Variants in CSMD1 observed in about 807,000 individuals in gnomAD.
CSMD1 encodes the protein CUB and Sushi multiple domains 1, also known as CUB and sushi domain-containing protein 1.
CSMD1 carries 213 observed loss-of-function variants against 417.5 expected under a neutral mutation model. The ratio of observed to expected loss-of-function variants is 0.51; its 90% confidence interval spans 0.46 to 0.57. The LOEUF is 0.57. Ranked by LOEUF, CSMD1 falls within the 20% of genes least tolerant of loss-of-function variation. CSMD1 has a pLI of 0.00. For synonymous variants in CSMD1, 2,862 were observed against 1,736.8 expected (o/e 1.65, Z -16.11); for missense variants, 6,923 against 4,529.7 (o/e 1.53, Z -15.17).
chr8:4,260,023 CA>C (rs1237674966), intron 3 of CSMD1, among the ~76,000 whole-genome samples: 1 of 23,640 alleles, frequency 4.2e-5, no homozygotes, highest in East Asian at 2.7e-3. Context: ...TTCTTGTGCA[CA>C]CTTTTTTTTT....
chr8:4,205,906 G>A (rs545512254), intron 3 of CSMD1, among the ~76,000 whole-genome samples: 25 of 152,136 alleles, frequency 1.6e-4, no homozygotes, highest in South Asian at 8.3e-4. Context: ...AATCAGTACC[G>A]AGTCCTCCTG....
intron 5 of CSMD1, among the ~76,000 whole-genome samples, chr8:3,787,306 G>T (rs190035817): frequency 6.6e-6 from 1 of 152,066 alleles, no homozygotes; most frequent in Non-Finnish European, 1.5e-5. Context: ...TGATTTCATG[G>T]ATATTTAAAT....
intron 1 of CSMD1, among the ~76,000 whole-genome samples, chr8:4,694,258 G>C (rs1201546806): frequency 6.6e-6 from 1 of 152,122 alleles, no homozygotes; most frequent in Non-Finnish European, 1.5e-5. Flanking sequence ...GTAACAGCTT[G>C]TCTCCTATCT....
intron 26 of CSMD1, among the ~76,000 whole-genome samples, chr8:3,282,158 T>C (rs192117033): frequency 4.7e-4 from 71 of 152,278 alleles, no homozygotes; most frequent in African/African-American, 1.6e-3. Flanking sequence ...GATGGAATAA[T>C]ATACCCATGG....
chr8:4,167,675 G>C (rs4875296), intron 3 of CSMD1, among the ~76,000 whole-genome samples: 46,030 of 152,024 alleles, frequency 0.3, 8,705 homozygotes, highest in Non-Finnish European at 0.41. Context: ...AAAGATATTG[G>C]TTATATGATC....
At chr8:4,053,631 G>C (rs192843861) in intron 3 of CSMD1, among the ~76,000 whole-genome samples, 3 of 152,078 alleles carry the variant, frequency 2.0e-5, no homozygotes, top group African/African-American at 4.8e-5. Context: ...GATTTCATTT[G>C]TCTTGCATAG....
At chr8:4,124,347 T>C (rs936434149) in intron 3 of CSMD1, among the ~76,000 whole-genome samples, 1 of 152,200 alleles carries the variant, frequency 6.6e-6, no homozygotes, top group Non-Finnish European at 1.5e-5. Context: ...GAGAAACTTT[T>C]CTTTACGGAT....
chr8:3,939,814 G>A (rs1006497345), intron 5 of CSMD1, among the ~76,000 whole-genome samples: 15 of 152,110 alleles, frequency 9.9e-5, no homozygotes, highest in Admixed American at 2.6e-4. Flanking sequence ...GCTAAGTTAT[G>A]AGGATGCGAA....
In CSMD1 at chr8:4,463,196, T is replaced by C. The variant is rs573876266; in HGVS notation, c.303-43131A>G. On this transcript the variant is annotated intron_variant, in intron 2 of 69. Coordinates refer to ENST00000635120, the MANE Select transcript of CSMD1 (RefSeq NM_033225.6). ...GAAGCCCGTATAAAAATTCTCAGCA[T>C]CCTTAGCCATCAAGGAAATGCAAAT... Among the ~76,000 whole-genome samples, 18 of 152,228 alleles carry C rather than the reference T, an allele frequency of 1.2e-4. No individual in the cohort carries two copies. The South Asian group carries it at 3.7e-3, about 32-fold the overall frequency.
At chr8:4,804,118 C>A (rs1377670208) in intron 1 of CSMD1, among the ~76,000 whole-genome samples, 2 of 152,082 alleles carry the variant, frequency 1.3e-5, no homozygotes, top group African/African-American at 2.4e-5. Flanking sequence ...TCCACAATAA[C>A]GAGAAACTAT....
At chr8:4,106,848 A>G (rs1801594155) in intron 3 of CSMD1, among the ~76,000 whole-genome samples, 1 of 152,162 alleles carries the variant, frequency 6.6e-6, no homozygotes, top group Non-Finnish European at 1.5e-5. Context: ...CAGAGAGAAA[A>G]GAAAAACTGC....
intron 3 of CSMD1, among the ~76,000 whole-genome samples, chr8:4,162,822 A>G (rs1003474708): frequency 1.3e-5 from 2 of 152,162 alleles, no homozygotes; most frequent in African/African-American, 4.8e-5. Flanking sequence ...GTGGATAAAT[A>G]TATAATGCTA....
chr8:4,789,613 T>C (rs1797587971), intron 1 of CSMD1, among the ~76,000 whole-genome samples: 1 of 152,138 alleles, frequency 6.6e-6, no homozygotes, highest in South Asian at 2.1e-4. Flanking sequence ...CTCACTCCAG[T>C]GTGGGGAAGT....
chr8:3,966,798 T>A (rs964110333), intron 5 of CSMD1, among the ~76,000 whole-genome samples: 4 of 152,030 alleles, frequency 2.6e-5, no homozygotes, highest in East Asian at 1.9e-4. Flanking sequence ...TTAGATTAAA[T>A]CCCAAGAAAT....
At chr8:3,387,099 AG>A (rs1490911968) in intron 18 of CSMD1, among the ~76,000 whole-genome samples, 1 of 152,192 alleles carries the variant, frequency 6.6e-6, no homozygotes, top group African/African-American at 2.4e-5. Flanking sequence ...ACGGAAACAA[AG>A]ACACGGACTG....
chr8:3,904,700 T>C (rs2954627), intron 5 of CSMD1, among the ~76,000 whole-genome samples: 1 of 149,362 alleles, frequency 6.7e-6, no homozygotes, highest in Non-Finnish European at 1.5e-5. Flanking sequence ...GCAGTGGTGC[T>C]ATCTCAGCTC....
At chr8:4,010,484 C>T (rs1244431710) in intron 4 of CSMD1, among the ~76,000 whole-genome samples, 1 of 152,150 alleles carries the variant, frequency 6.6e-6, no homozygotes, top group African/African-American at 2.4e-5. Flanking sequence ...TCTCCCCTCT[C>T]TTCCAACAGC....
intron 3 of CSMD1, among the ~76,000 whole-genome samples, chr8:4,382,642 G>A (rs1663280603): frequency 1.3e-5 from 2 of 152,130 alleles, no homozygotes; most frequent in South Asian, 4.1e-4. Flanking sequence ...TCTAAGTTTA[G>A]GAAAACAAGT....
At chr8:4,297,775 G>A (rs1398943632) in intron 3 of CSMD1, among the ~76,000 whole-genome samples, 2 of 152,238 alleles carry the variant, frequency 1.3e-5, no homozygotes, top group East Asian at 1.9e-4. Flanking sequence ...CCTGTGAGAG[G>A]TGATACATTT....
Sources: allele counts gnomAD v4.1 joint callset (sites outside exome capture counted in the v4.1 genomes callset), GRCh38; gene constraint gnomAD v4.1.1; transcripts MANE v1.5; gene names NCBI Gene and HGNC (gene_info 2026-07-23, HGNC 2026-07-21).